SGCZ: variants seen among roughly 807,000 people sequenced by gnomAD.
The protein encoded by SGCZ is zeta-sarcoglycan.
A neutral mutation model predicts 41.3 loss-of-function variants in SGCZ; 40 were observed. The ratio of observed to expected loss-of-function variants is 0.97; its 90% CI spans 0.75 to 1.26. The LOEUF is 1.26. Among genes scored for constraint, SGCZ ranks in the 50% most tolerant of loss-of-function variants. The pLI is 0.00. For missense variants in SGCZ, 552 were observed against 369.8 expected (o/e 1.49, Z -4.04); for synonymous variants, 206 against 137.5 (o/e 1.50, Z -3.49).
At chr8:15,177,754 T>C (rs1179975751) in intron 1 of SGCZ, among the ~76,000 whole-genome samples, 2 of 152,172 alleles carry the variant, frequency 1.3e-5, no homozygotes, top group East Asian at 1.9e-4. Flanking sequence ...ATGAGGCATC[T>C]TCACTTGTAA....
intron 5 of SGCZ, among the ~76,000 whole-genome samples, chr8:14,140,447 AAGCTGATAAGC>A (rs1803334314): frequency 2.0e-5 from 3 of 152,192 alleles, no homozygotes; most frequent in Non-Finnish European, 4.4e-5. Flanking sequence ...AAATCTCCTT[AAGCTGATAAGC>A]AACTTCAGCA....
chr8:14,090,034 A>G lies in SGCZ; in HGVS notation c.*409T>C, dbSNP rs1373405207. 1 of 154,630 alleles carries G rather than the reference A, an allele frequency of 6.5e-6. No individual in the cohort carries two copies. Among genetic ancestry groups the G allele is most frequent in the Non-Finnish European group, 1.4e-5 (1 of 69,522 alleles). 9.6% of individuals were successfully genotyped at this position (154,630 alleles called of 1,614,324 possible). ...GAAAATTGTGCTTTCAGAATGTAGA[A>G]TAAGTTTTCTTACAGGGTTAACCAT... On this transcript the variant is annotated 3_prime_UTR_variant, in exon 8 of 8. Transcript: ENST00000382080.
In SGCZ at chr8:14,445,655, C is replaced by A. The variant is rs1291427273; in HGVS notation, c.234+109077G>T. Among the ~76,000 whole-genome samples, 6 of 152,172 alleles carry A rather than the reference C, an allele frequency of 3.9e-5. No individual in the cohort carries two copies. In the East Asian group the frequency reaches 1.2e-3, roughly 29 times the overall value. ...CACCTCATTATCCTTGGACATCGAA[C>A]AAGAGCTCAGGACACATTGACTGTG... On this transcript the variant is annotated intron_variant, in intron 2 of 7. Coordinates refer to ENST00000382080, the MANE Select transcript of SGCZ (RefSeq NM_139167.4).
chr8:15,044,507 T>C (rs1000102009), intron 1 of SGCZ, among the ~76,000 whole-genome samples: 4 of 152,126 alleles, frequency 2.6e-5, no homozygotes, highest in African/African-American at 9.7e-5. Flanking sequence ...ACATACAGAA[T>C]CAGGAATGAT....
intron 3 of SGCZ, among the ~76,000 whole-genome samples, chr8:14,267,165 T>G (rs1393140617): frequency 6.6e-6 from 1 of 152,072 alleles, no homozygotes; most frequent in Non-Finnish European, 1.5e-5. Flanking sequence ...TATTATTTTC[T>G]TTTTTAGTAC....
At chr8:14,543,158 C>G (rs900862297) in intron 2 of SGCZ, among the ~76,000 whole-genome samples, 34 of 151,840 alleles carry the variant, frequency 2.2e-4, no homozygotes, top group African/African-American at 8.0e-4. Flanking sequence ...CACAATTGTT[C>G]TAAGTATGAT....
chr8:14,619,193 A>G (rs1244048364), intron 1 of SGCZ, among the ~76,000 whole-genome samples: 2 of 152,060 alleles, frequency 1.3e-5, no homozygotes, highest in African/African-American at 4.8e-5. Context: ...CAAAAAGCAC[A>G]TGATTATCTC....
At chr8:14,564,908 A>G (rs1332370893) in intron 1 of SGCZ, among the ~76,000 whole-genome samples, 1 of 152,210 alleles carries the variant, frequency 6.6e-6, no homozygotes, top group Non-Finnish European at 1.5e-5. Flanking sequence ...ATTTCAGCAT[A>G]ATGATAGTCA....
chr8:15,082,791 G>A (rs1370498444), intron 1 of SGCZ, among the ~76,000 whole-genome samples: 5 of 152,008 alleles, frequency 3.3e-5, no homozygotes, highest in Non-Finnish European at 5.9e-5. Context: ...AGCTATAATT[G>A]AATAAAGCAA....
chr8:14,975,809 A>ATGTGTG lies in SGCZ; in HGVS notation c.39+261770_39+261775dup, dbSNP rs66667974. Among the ~76,000 whole-genome samples the ATGTGTG allele has an allele frequency of 9.6e-4, 126 of 131,878 alleles. 1 individual carries two copies. Among genetic ancestry groups the ATGTGTG allele is most frequent in the African/African-American group, 3.3e-3 (98 of 29,584 alleles). The allele number at this position is 131,878 out of a possible 152,430, so 86.5% of individuals were successfully genotyped here. Reference sequence around the variant, plus strand: ...CACTTTTATATATATATATATATATATGTGTGTGTGTGTGTAGAAATAGTT... The same window carrying ATGTGTG: ...CACTTTTATATATATATATATATATATGTGTGTGTGTGTGTGTGTGTAGAAATAGTT... On this transcript the variant is annotated intron_variant, in intron 1 of 7. Transcript: ENST00000382080.
intron 1 of SGCZ, among the ~76,000 whole-genome samples, chr8:14,607,172 A>G (rs144259789): frequency 1.9e-4 from 29 of 152,304 alleles, no homozygotes; most frequent in African/African-American, 6.3e-4. Flanking sequence ...GAACAAAACC[A>G]TAAATTTATA....
intron 2 of SGCZ, among the ~76,000 whole-genome samples, chr8:14,470,676 T>C (rs1290846781): frequency 1.3e-5 from 2 of 152,128 alleles, no homozygotes; most frequent in African/African-American, 2.4e-5. Flanking sequence ...AGATAATCAG[T>C]AATTAAACTA....
At chr8:14,943,189 A>G (rs2130823370) in intron 1 of SGCZ, among the ~76,000 whole-genome samples, 1 of 152,328 alleles carries the variant, frequency 6.6e-6, no homozygotes, top group South Asian at 2.1e-4. Context: ...TGAGCAAAGG[A>G]TCCATTTCCA....
intron 1 of SGCZ, among the ~76,000 whole-genome samples, chr8:14,616,799 A>T (rs186758498): frequency 1.3e-5 from 2 of 152,284 alleles, no homozygotes; most frequent in Non-Finnish European, 2.9e-5. Flanking sequence ...GTAAAATTCA[A>T]ATTTTATTGT....
chr8:15,157,213 A>G (rs1039194303), intron 1 of SGCZ, among the ~76,000 whole-genome samples: 1 of 151,960 alleles, frequency 6.6e-6, no homozygotes, highest in African/African-American at 2.4e-5. Flanking sequence ...ATTTTTCCCT[A>G]CTCACAATAT....
chr8:15,119,044 G>A (rs1272730182), intron 1 of SGCZ, among the ~76,000 whole-genome samples: 1 of 152,036 alleles, frequency 6.6e-6, no homozygotes, highest in African/African-American at 2.4e-5. Flanking sequence ...ATTACACTAT[G>A]CAATAAATTA....
intron 1 of SGCZ, among the ~76,000 whole-genome samples, chr8:15,024,445 G>T (rs1803371066): frequency 6.6e-6 from 1 of 152,062 alleles, no homozygotes; most frequent in Admixed American, 6.6e-5. Flanking sequence ...ATAAATCACT[G>T]AATAAGACCA....
rs1373878020 is a variant in SGCZ, at chr8:14,089,206, C to A, written c.*1237G>T. ...AATTTTTGAGGTCAGGGTAGCCTAACAACGATCTAATAAAAGTAAATATAT... is the reference window on the plus strand; with the variant it reads ...AATTTTTGAGGTCAGGGTAGCCTAAAAACGATCTAATAAAAGTAAATATAT... On this transcript the variant is annotated 3_prime_UTR_variant, in exon 8 of 8. Coordinates refer to ENST00000382080, the MANE Select transcript of SGCZ (RefSeq NM_139167.4). Among the ~76,000 whole-genome samples the A allele has an allele frequency of 6.6e-6, 1 of 151,830 alleles. No individual in the cohort carries two copies. The highest frequency in any genetic ancestry group is 1.5e-5 in the Non-Finnish European group (1 of 67,904).
intron 1 of SGCZ, among the ~76,000 whole-genome samples, chr8:14,919,327 G>T (rs1248038587): frequency 6.6e-6 from 1 of 152,034 alleles, no homozygotes; most frequent in African/African-American, 2.4e-5. Context: ...TATAATCCCA[G>T]CTACTCAGGG....
Sources: gnomAD v4.1 joint callset for allele counts (sites outside exome capture counted in the v4.1 genomes callset) on GRCh38, gnomAD v4.1.1 for gene constraint, MANE v1.5 for transcripts, NCBI Gene and HGNC (gene_info 2026-07-23, HGNC 2026-07-21) for gene names.